The following MIPOL1 variants were observed in gnomAD, a reference collection of about 807,000 sequenced individuals.
The protein encoded by MIPOL1 is mirror-image polydactyly 1.
MIPOL1 carries 57 observed loss-of-function variants against 60.9 expected under a neutral mutation model. That is an observed-to-expected ratio of 0.94 (90% CI 0.76 to 1.17). The LOEUF is 1.17. Among genes scored for constraint, MIPOL1 ranks in the 50% most tolerant of loss-of-function variants. The probability of loss-of-function intolerance (pLI) is 0.00; values close to 1 mark genes in which losing one functional copy is unlikely to be tolerated. For missense variants in MIPOL1, 551 were observed against 511.6 expected, an observed-to-expected ratio of 1.08 and a Z score of -0.74; for synonymous variants, 179 against 168.8, an observed-to-expected ratio of 1.06 and a Z score of -0.47.
intron 9 of MIPOL1, among the ~76,000 whole-genome samples, chr14:37,346,953 A>G (rs775322681): frequency 3.3e-5 from 5 of 152,190 alleles, no homozygotes; most frequent in Non-Finnish European, 7.3e-5. Context: ...ATGGGAGTAT[A>G]GTGAACACAT....
At chr14:37,363,631 A>G (rs970707788) in intron 9 of MIPOL1, among the ~76,000 whole-genome samples, 2 of 152,114 alleles carry the variant, frequency 1.3e-5, no homozygotes, top group African/African-American at 4.8e-5. Flanking sequence ...TCAAAGCTCA[A>G]ATGCCGTGCT....
chr14:37,483,604 C>T (rs1041782011), intron 11 of MIPOL1, among the ~76,000 whole-genome samples: 7 of 151,994 alleles, frequency 4.6e-5, no homozygotes, highest in African/African-American at 1.7e-4. Context: ...TATGATCCAG[C>T]AATTTCACTT....
At chr14:37,489,291 A>G (rs1046508318) in intron 11 of MIPOL1, among the ~76,000 whole-genome samples, 1 of 152,086 alleles carries the variant, frequency 6.6e-6, no homozygotes, top group Non-Finnish European at 1.5e-5. Flanking sequence ...TGTGTTTTTC[A>G]GCTTCATCAG....
intron 11 of MIPOL1, among the ~76,000 whole-genome samples, chr14:37,485,946 A>G (rs1397530671): frequency 1.3e-5 from 2 of 152,130 alleles, no homozygotes; most frequent in Non-Finnish European, 2.9e-5. Context: ...GTTTTCTTCT[A>G]GGGTTTTTAT....
intron 10 of MIPOL1, among the ~76,000 whole-genome samples, chr14:37,373,259 T>C (rs569209941): frequency 6.6e-6 from 1 of 152,268 alleles, no homozygotes; most frequent in South Asian, 2.1e-4. Flanking sequence ...TGCCTCAGCC[T>C]CCCAAAGTGC....
chr14:37,342,676 G>A lies in MIPOL1; in HGVS notation c.829-26841G>A, dbSNP rs181854546. Among the ~76,000 whole-genome samples the A allele has an allele frequency of 1.7e-3, 263 of 152,142 alleles. 1 individual carries two copies. Among genetic ancestry groups the A allele is most frequent in the African/African-American group, 6.0e-3 (250 of 41,528 alleles). ...CTCCCAAAGTGCAGGGATTACAGGC[G>A]TGAGCCACCGTGCCTGGCCGCAATT... On this transcript the variant is annotated intron_variant, in intron 9 of 12. Coordinates refer to ENST00000684589, the MANE Select transcript of MIPOL1 (RefSeq NM_001388067.1).
At chr14:37,420,099 A>C (rs2093845131) in intron 10 of MIPOL1, among the ~76,000 whole-genome samples, 1 of 151,940 alleles carries the variant, frequency 6.6e-6, no homozygotes, top group Admixed American at 6.6e-5. Flanking sequence ...AATTTTTGAA[A>C]AAAAAAAAAG....
intron 6 of MIPOL1, among the ~76,000 whole-genome samples, chr14:37,284,534 G>A (rs908764263): frequency 4.6e-5 from 7 of 151,804 alleles, no homozygotes; most frequent in South Asian, 2.1e-4. Context: ...TAGTAGAGAC[G>A]GGGTTTCACC....
chr14:37,459,982 G>A (rs990799296), intron 11 of MIPOL1, among the ~76,000 whole-genome samples: 7 of 152,058 alleles, frequency 4.6e-5, no homozygotes, highest in African/African-American at 1.7e-4. Context: ...AGGAGGCTGA[G>A]GCAAGAGAAT....
intron 10 of MIPOL1, among the ~76,000 whole-genome samples, chr14:37,370,343 C>G (rs796576105): frequency 6.6e-6 from 1 of 152,050 alleles, no homozygotes; most frequent in Non-Finnish European, 1.5e-5. Flanking sequence ...GTAGTTGTCT[C>G]TACCCTCAAG....
intron 12 of MIPOL1, chr14:37,523,480 A>T (rs1230007816): frequency 2.4e-6 from 1 of 413,582 alleles, no homozygotes; most frequent in Non-Finnish European, 4.3e-6. Flanking sequence ...CAGATCTCAA[A>T]TACAAATCTA....
chr14:37,482,093 A>G (rs772990685), intron 11 of MIPOL1, among the ~76,000 whole-genome samples: 1 of 152,204 alleles, frequency 6.6e-6, no homozygotes, highest in Non-Finnish European at 1.5e-5. Flanking sequence ...ACATGAAACT[A>G]AAAAGCTTCT....
intron 12 of MIPOL1, among the ~76,000 whole-genome samples, chr14:37,524,858 G>A (rs904907024): frequency 6.6e-6 from 1 of 151,776 alleles, no homozygotes; most frequent in Non-Finnish European, 1.5e-5. Flanking sequence ...ATGAACCACC[G>A]CACCCGGCCT....
chr14:37,248,642 A>C (rs8013855), intron 3 of MIPOL1, among the ~76,000 whole-genome samples: 48,275 of 151,470 alleles, frequency 0.32, 7,847 homozygotes, highest in East Asian at 0.37. Context: ...CTATATATAT[A>C]TCTCTCTCTC....
intron 11 of MIPOL1, among the ~76,000 whole-genome samples, chr14:37,475,100 G>A (rs554525593): frequency 1.3e-5 from 2 of 152,066 alleles, no homozygotes; most frequent in African/African-American, 4.8e-5. Flanking sequence ...GAGTAGCTGG[G>A]ACTACAGGCA....
At chr14:37,464,294 T>G (rs2094573203) in intron 11 of MIPOL1, among the ~76,000 whole-genome samples, 1 of 152,180 alleles carries the variant, frequency 6.6e-6, no homozygotes, top group Non-Finnish European at 1.5e-5. Context: ...ACTTGTGCAT[T>G]TATCTCAACA....
At chr14:37,316,976 TAAACAAAC>T (rs530262345) in intron 9 of MIPOL1, among the ~76,000 whole-genome samples, 3 of 151,956 alleles carry the variant, frequency 2.0e-5, no homozygotes, top group East Asian at 3.9e-4. Context: ...AGACTCCATC[TAAACAAAC>T]AAACAAACAA....
At chr14:37,521,897 TA>T (rs2095415809) in intron 12 of MIPOL1, among the ~76,000 whole-genome samples, 1 of 32,610 alleles carries the variant, frequency 3.1e-5, no homozygotes, top group African/African-American at 1.4e-4. Context: ...AAAAAAAATA[TA>T]TATATATATA....
rs2084463548 is a variant in MIPOL1 at position 37,285,347 on chromosome 14, A to G, written c.523A>G (p.Lys175Glu). The part of the protein sequence containing the change: ...ALVEEVYFAQ[K>E]ERDEAVMSRL... The stretch of plus-strand genomic sequence containing the variant: ...GGTTGAAGAAGTGTATTTTGCGCAG[A>G]AGGAACGTGATGAAGCTGTTATGTC... Residue 175 changes from lysine to glutamate, a missense_variant, in exon 7 of 13, where the codon AAG (lysine) becomes GAG (glutamate). Physicochemically the swap from Lys to Glu is moderately conservative, Grantham distance 56. Coordinates refer to ENST00000684589, the MANE Select transcript of MIPOL1 (RefSeq NM_001388067.1). The G allele has an allele frequency of 2.5e-6, 4 of 1,614,076 alleles. No homozygotes were observed. Among genetic ancestry groups the G allele is most frequent in the Non-Finnish European group, 3.4e-6 (4 of 1,179,994 alleles).
Sources: allele counts gnomAD v4.1 joint callset (sites outside exome capture counted in the v4.1 genomes callset), GRCh38; gene constraint gnomAD v4.1.1; transcripts MANE v1.5; gene names NCBI Gene and HGNC (gene_info 2026-07-23, HGNC 2026-07-21).